Variants in PDE11A observed in about 807,000 individuals in gnomAD.
The protein encoded by PDE11A is phosphodiesterase 11A.
Under a neutral mutation model 100.5 loss-of-function variants are expected in PDE11A, and 100 were observed. The ratio of observed to expected loss-of-function variants is 1.00; its 90% CI spans 0.85 to 1.18. The LOEUF is 1.18. PDE11A is among the 50% of genes most tolerant of loss of function. The pLI, the probability that PDE11A is intolerant of heterozygous loss-of-function variation, is 0.00. For missense variants in PDE11A, 1,141 were observed against 1,152.6 expected (o/e 0.99, Z 0.15); for synonymous variants, 381 against 420.8 (o/e 0.91, Z 1.16).
chr2:178,075,077 A>G (rs59336425), upstream of PDE11A, among the ~76,000 whole-genome samples: 1,429 of 152,324 alleles, frequency 9.4e-3, 19 homozygotes, highest in African/African-American at 0.033. Flanking sequence ...ACAAAGGAAC[A>G]AATTACAAAG....
At chr2:177,764,951 G>A (rs1045027203) in intron 10 of PDE11A, among the ~76,000 whole-genome samples, 2 of 152,196 alleles carry the variant, frequency 1.3e-5, no homozygotes, top group Non-Finnish European at 2.9e-5. Context: ...GTTTCTTGAA[G>A]TATAAATGAT....
At chr2:177,810,466 T>C (rs1357016114) in intron 9 of PDE11A, among the ~76,000 whole-genome samples, 1 of 152,172 alleles carries the variant, frequency 6.6e-6, no homozygotes, top group Non-Finnish European at 1.5e-5. Context: ...TAGAGGAGAT[T>C]ACATTTACAT....
At chr2:177,748,140 T>G (rs1206714745) in intron 10 of PDE11A, among the ~76,000 whole-genome samples, 2 of 152,178 alleles carry the variant, frequency 1.3e-5, no homozygotes, top group African/African-American at 4.8e-5. Flanking sequence ...ACTTCTACTT[T>G]TATGCCAAGA....
At chr2:178,096,169 CT>C (rs71010857) in intron 2 of PDE11A, among the ~76,000 whole-genome samples, 69 of 120,002 alleles carry the variant, frequency 5.7e-4, no homozygotes, top group Middle Eastern at 4.3e-3. Flanking sequence ...CTTTTCTTTT[CT>C]TTTTTTTTTT....
intron 1 of PDE11A, among the ~76,000 whole-genome samples, chr2:178,057,067 T>C (rs1196321524): frequency 2.6e-5 from 4 of 152,120 alleles, no homozygotes; most frequent in Non-Finnish European, 5.9e-5. Flanking sequence ...GATGTTGAGA[T>C]AGCCAGCAGT....
At chr2:177,837,921 C>T (rs116480988) in intron 6 of PDE11A, among the ~76,000 whole-genome samples, 4,341 of 152,188 alleles carry the variant, frequency 0.029, 198 homozygotes, top group African/African-American at 0.099. Flanking sequence ...AAAGCAGATA[C>T]CCAAGTATGT....
intron 19 of PDE11A, among the ~76,000 whole-genome samples, chr2:177,660,687 G>A (rs1431902784): frequency 1.7e-4 from 26 of 152,184 alleles, no homozygotes; most frequent in Admixed American, 1.4e-3. Context: ...GTGCCAATTA[G>A]GCACATAAAT....
chr2:177,902,688 T>C (rs1033753721), intron 3 of PDE11A, among the ~76,000 whole-genome samples: 9 of 152,144 alleles, frequency 5.9e-5, no homozygotes, highest in African/African-American at 2.2e-4. Flanking sequence ...GGTTCCCAAA[T>C]CTTAATCTCC....
At chr2:177,954,627 C>G (rs1259386035) in intron 2 of PDE11A, among the ~76,000 whole-genome samples, 1 of 152,180 alleles carries the variant, frequency 6.6e-6, no homozygotes, top group Non-Finnish European at 1.5e-5. Context: ...GGAAGAGAAT[C>G]AAGTGCCCCT....
upstream of PDE11A, chr2:178,072,822 C>A: frequency 8.3e-7 from 1 of 1,197,914 alleles, no homozygotes; most frequent in Non-Finnish European, 1.1e-6. Context: ...AGGACACGCC[C>A]CTGAGTGAGG....
intron 5 of PDE11A, among the ~76,000 whole-genome samples, chr2:177,855,007 G>A (rs1312820001): frequency 6.6e-6 from 1 of 152,086 alleles, no homozygotes; most frequent in Non-Finnish European, 1.5e-5. Context: ...AAGACGACAG[G>A]TCGTGGTAGT....
chr2:178,072,196 G>T lies in PDE11A; in HGVS notation c.242C>A (p.Ser81Tyr). ...SVGGGTGPNG[S>Y]AHSQPLPGGG... ...ACCGGGAAGGGGCTGGCTGTGGGCA[G>T]AGCCATTTGGTCCAGTGCCACCACC... Residue 81 changes from serine (S) to tyrosine (Y), a missense_variant, in exon 1 of 20, where the codon TCT (serine) becomes TAT (tyrosine). By Grantham distance (144) the Ser-to-Tyr change is moderately radical (BLOSUM62 -2). Transcript: ENST00000286063. 6.2e-7 allele frequency: 1 copy of T among 1,613,870 alleles called. No individual in the cohort carries two copies. Among genetic ancestry groups the T allele is most frequent in the Non-Finnish European group, 8.5e-7 (1 of 1,179,872 alleles).
intron 5 of PDE11A, among the ~76,000 whole-genome samples, chr2:177,850,755 A>C (rs1363184834): frequency 6.6e-6 from 1 of 152,160 alleles, no homozygotes; most frequent in Non-Finnish European, 1.5e-5. Context: ...CAAAGGAAGA[A>C]ATTTATGCAG....
chr2:177,728,104 G>A lies in PDE11A; in HGVS notation c.1857C>T (p.Asp619=), dbSNP rs569659163. The change falls in exon 11 of 20, where the codon GAC becomes GAT. Residue 619 remains aspartate (D), a synonymous_variant. Coordinates refer to ENST00000286063, the MANE Select transcript of PDE11A (RefSeq NM_016953.4). ...GAGCAGCTGTGATCATGGCATCAAC[G>A]TCGAGAGAAAAGTCATCAAAATGAA... is the stretch of plus-strand genomic sequence containing the variant. ...DDIHFDDFSL[D]VDAMITAALR... is the part of the protein sequence containing the mutation. 8 of 1,611,898 alleles carry A rather than the reference G, an allele frequency of 5.0e-6. No homozygotes were observed. The highest frequency in any genetic ancestry group is 4.5e-5 in the East Asian group (2 of 44,854).
chr2:178,008,094 A>T (rs969774418), intron 2 of PDE11A, among the ~76,000 whole-genome samples: 5 of 152,318 alleles, frequency 3.3e-5, no homozygotes, highest in Admixed American at 3.3e-4. Flanking sequence ...GAGAACACAA[A>T]GGGAATTTTT....
intron 12 of PDE11A, among the ~76,000 whole-genome samples, chr2:177,726,805 GTCCAAGAC>G (rs1173785555): frequency 6.6e-6 from 1 of 151,910 alleles, no homozygotes; most frequent in Non-Finnish European, 1.5e-5. Flanking sequence ...TGTTGGAAGA[GTCCAAGAC>G]TCACATTCTT....
chr2:177,844,144 A>G (rs2083539791), intron 5 of PDE11A, among the ~76,000 whole-genome samples: 1 of 152,220 alleles, frequency 6.6e-6, no homozygotes, highest in African/African-American at 2.4e-5. Flanking sequence ...AGGCTGCTAG[A>G]GCAAAATACC....
chr2:177,838,688 G>C (rs2083442746), intron 6 of PDE11A, among the ~76,000 whole-genome samples: 1 of 152,162 alleles, frequency 6.6e-6, no homozygotes, highest in East Asian at 1.9e-4. Context: ...ATGGCCTACA[G>C]GGGAGAAGAG....
chr2:177,826,664 CAA>C (rs1413699041), intron 6 of PDE11A, among the ~76,000 whole-genome samples: 1 of 152,228 alleles, frequency 6.6e-6, no homozygotes, highest in Admixed American at 6.5e-5. Flanking sequence ...GCCCATGCAG[CAA>C]AGTCTGTTGG....
Sources: allele counts gnomAD v4.1 joint callset (sites outside exome capture counted in the v4.1 genomes callset), GRCh38; gene constraint gnomAD v4.1.1; transcripts MANE v1.5; gene names NCBI Gene and HGNC (gene_info 2026-07-23, HGNC 2026-07-21).